The following DNAH12 variants were observed in gnomAD, a reference collection of about 807,000 sequenced individuals.
DNAH12 encodes the protein dynein axonemal heavy chain 12, also known as axonemal beta dynein heavy chain 12.
In DNAH12, 285 loss-of-function variants were observed where a neutral mutation model predicts 371.5. That is an observed-to-expected ratio of 0.77 (90% confidence interval 0.70 to 0.85). DNAH12 has a LOEUF of 0.85. Among genes scored for constraint, DNAH12 ranks in the 40% least tolerant of loss-of-function variants. DNAH12 has a pLI of 0.00. For synonymous variants in DNAH12, 1,200 were observed against 1,213.0 expected, an observed-to-expected ratio of 0.99 and a Z score of 0.22; for missense variants, 3,611 against 3,689.4, an observed-to-expected ratio of 0.98 and a Z score of 0.55.
chr3:57,459,708 C>CT lies in DNAH12; in HGVS notation c.2814dup (p.Glu939ArgfsTer7). 2.6e-6 allele frequency: 4 copies of CT among 1,548,070 alleles called. No individual in the cohort carries two copies. The highest frequency in any genetic ancestry group is 3.5e-6 in the Non-Finnish European group (4 of 1,144,596). On this transcript the variant is annotated frameshift_variant, in exon 20 of 74. Coordinates refer to ENST00000495027, the MANE Select transcript of DNAH12 (RefSeq NM_001366028.2). LOFTEE classifies it high-confidence loss of function. ...ATATCCTCAGAACAAAAGATGGGCT[C>CT]TAAGTACAGCCATTGAGCTTGTACT...
At chr3:57,302,567 A>ATATATATATATATATTTTTTTTTT (rs2061380979) in intron 69 of DNAH12, among the ~76,000 whole-genome samples, 1 of 27,482 alleles carries the variant, frequency 3.6e-5, no homozygotes, top group Non-Finnish European at 6.3e-5. Flanking sequence ...ATATATATGT[A>ATATATATATATATATTTTTTTTTT]TTTTTTTTTT....
chr3:57,445,485 G>C, intron 27 of DNAH12, 66 bp from the exon 28 acceptor site: 1 of 1,304,900 alleles, frequency 7.7e-7, no homozygotes, highest in Non-Finnish European at 9.9e-7. Context: ...CTGAGCATAA[G>C]TATTCAAAGG....
At chr3:57,431,359 G>T (rs2064950923) in intron 32 of DNAH12, among the ~76,000 whole-genome samples, 1 of 152,136 alleles carries the variant, frequency 6.6e-6, no homozygotes, top group Admixed American at 6.6e-5. Flanking sequence ...CAACACAGCT[G>T]CCCATCAGAT....
chr3:57,422,845 T>C (rs1271109596), intron 35 of DNAH12, among the ~76,000 whole-genome samples: 2 of 152,182 alleles, frequency 1.3e-5, no homozygotes, highest in African/African-American at 4.8e-5. Flanking sequence ...TTAATTGGAT[T>C]CTGCTAATAC....
chr3:57,553,909 C>A, the DNAH12 span, among the ~76,000 whole-genome samples: 57 of 150,788 alleles, frequency 3.8e-4, no homozygotes, highest in African/African-American at 1.3e-3. Context: ...ACTGCAACCT[C>A]TGCCTCCCAG....
chr3:57,494,339 G>A (rs1559718719), intron 11 of DNAH12, among the ~76,000 whole-genome samples: 1 of 151,952 alleles, frequency 6.6e-6, no homozygotes, highest in Non-Finnish European at 1.5e-5. Flanking sequence ...GATTATTTGA[G>A]CCCAGGAGTT....
chr3:57,391,699 CTTGTG>C, intron 45 of DNAH12, among the ~76,000 whole-genome samples, 168 bp downstream of exon 45: 1 of 152,264 alleles, frequency 6.6e-6, no homozygotes, highest in East Asian at 1.9e-4. Context: ...GTGTAAGCTC[CTTGTG>C]AGGATCATGT....
chr3:57,493,778 A>G (rs1241380842), intron 11 of DNAH12: 2 of 132,298 alleles, frequency 1.5e-5, no homozygotes, highest in African/African-American at 6.6e-5. Flanking sequence ...TGACCAGTCA[A>G]AAAAAAAAAA....
intron 16 of DNAH12, among the ~76,000 whole-genome samples, chr3:57,469,965 G>T (rs577894019): frequency 4.7e-4 from 72 of 152,106 alleles, no homozygotes; most frequent in Non-Finnish European, 8.4e-4. Context: ...ACCTGCACAT[G>T]TTACCGAATC....
intron 16 of DNAH12, among the ~76,000 whole-genome samples, chr3:57,469,422 G>C (rs1575645014): frequency 6.6e-6 from 1 of 152,164 alleles, no homozygotes; most frequent in African/African-American, 2.4e-5. Context: ...GAGTAGTTTG[G>C]AGATTTTTCA....
At chr3:57,328,184 A>G (rs1398443080) in intron 62 of DNAH12, among the ~76,000 whole-genome samples, 6 of 150,228 alleles carry the variant, frequency 4.0e-5, no homozygotes, top group Admixed American at 4.0e-4. Context: ...CAATAGAAAA[A>G]GAGGGAATCC....
At chr3:57,428,511 T>C (rs2153364882) in intron 34 of DNAH12, 122 bp downstream of exon 34, 3 of 1,526,626 alleles carry the variant, frequency 2.0e-6, no homozygotes, top group Non-Finnish European at 2.6e-6. Flanking sequence ...CAACGGTGGA[T>C]AGTAAATGCA....
chr3:57,471,553 C>A lies in DNAH12; in HGVS notation c.1830G>T (p.Glu610Asp). 6.5e-7 allele frequency: 1 copy of A among 1,548,750 alleles called. No homozygotes were observed. Among genetic ancestry groups the A allele is most frequent in the Non-Finnish European group, 8.7e-7 (1 of 1,146,324 alleles). The stretch of plus-strand genomic sequence containing the variant: ...CTTTTTCTATTTCCAAAATAAGTTT[C>A]TCTCTCTTGGCCATTAGTTCATTTT... ...KKENELMAKR[E>D]KLILEIEKES... The change falls in exon 15 of 74, where the codon GAG becomes GAT. Residue 610 changes from glutamate (E) to aspartate (D), a missense_variant. Glu to Asp is a conservative substitution (Grantham distance 45). Transcript: ENST00000495027.
intron 35 of DNAH12, 113 bp from the exon 36 acceptor site, chr3:57,421,819 C>T (rs1404257630): frequency 2.2e-5 from 26 of 1,158,630 alleles, no homozygotes; most frequent in African/African-American, 9.5e-5. Context: ...TGAACAAGGT[C>T]GTAAGTGTAA....
At chr3:57,552,689 C>T in the DNAH12 span, among the ~76,000 whole-genome samples, 4 of 152,052 alleles carry the variant, frequency 2.6e-5, no homozygotes, top group African/African-American at 7.2e-5. Flanking sequence ...GCAGGTGGAT[C>T]GCTTGAGCCC....
rs1410977087 is a variant in DNAH12, at chr3:57,441,446, T to G, written c.4545+3251A>C. Among the ~76,000 whole-genome samples, 9 of 152,248 alleles carry G rather than the reference T, an allele frequency of 5.9e-5. No individual in the cohort carries two copies. In the East Asian group the frequency reaches 1.7e-3, roughly 29 times the overall value. ...TATATAGAATGGTCTAATATACATG[T>G]CACTGAAGTTCCGGAAGGAGAGAGG... On this transcript the variant is annotated intron_variant, in intron 29 of 73. Transcript: ENST00000495027.
chr3:57,316,186 C>T (rs1230749749), intron 65 of DNAH12, among the ~76,000 whole-genome samples: 1 of 145,850 alleles, frequency 6.9e-6, no homozygotes, highest in African/African-American at 2.6e-5. Context: ...AGGATGCTGT[C>T]TTCTCTGCCT....
intron 40 of DNAH12, among the ~76,000 whole-genome samples, chr3:57,407,281 G>GAAAA (rs35245549): frequency 1.6e-4 from 22 of 133,592 alleles, no homozygotes; most frequent in South Asian, 2.4e-4. Flanking sequence ...TTCAAAGACA[G>GAAAA]AAAAAAAAAA....
At chr3:57,429,396 G>A (rs894964884) in intron 33 of DNAH12, among the ~76,000 whole-genome samples, 1 of 152,028 alleles carries the variant, frequency 6.6e-6, no homozygotes, top group Non-Finnish European at 1.5e-5. Flanking sequence ...GGCTGGTCTT[G>A]AACTTCCCAC....
Sources: gnomAD v4.1 joint callset for allele counts (sites outside exome capture counted in the v4.1 genomes callset) on GRCh38, gnomAD v4.1.1 for gene constraint, MANE v1.5 for transcripts, NCBI Gene and HGNC (gene_info 2026-07-23, HGNC 2026-07-21) for gene names.